GSN: variants seen among roughly 807,000 people sequenced by gnomAD.
GSN encodes gelsolin.
In GSN, 56 loss-of-function variants were observed where a neutral mutation model predicts 85.7. That is an observed-to-expected ratio of 0.65 (90% CI 0.53 to 0.82). GSN has a LOEUF of 0.82. Among genes scored for constraint, GSN ranks in the 40% least tolerant of loss-of-function variants. The pLI is 0.00. For missense variants in GSN, 857 were observed against 979.8 expected (o/e 0.87, Z 1.67); for synonymous variants, 373 against 399.1 (o/e 0.93, Z 0.78).
At chr9:121,305,769 A>G (rs1436172878) in intron 4 of GSN, among the ~76,000 whole-genome samples, 3 of 152,224 alleles carry the variant, frequency 2.0e-5, no homozygotes, top group Non-Finnish European at 4.4e-5. Flanking sequence ...TGGGAGGCCC[A>G]GGGCTGGTCT....
At chr9:121,214,355 G>A (rs1319132002) in intron 4 of GSN, among the ~76,000 whole-genome samples, 1 of 151,364 alleles carries the variant, frequency 6.6e-6, no homozygotes, top group Non-Finnish European at 1.5e-5. Context: ...AAACCAAAGG[G>A]TAGATGTTAG....
chr9:121,328,085 G>A (rs2063447582), intron 14 of GSN, among the ~76,000 whole-genome samples: 1 of 152,198 alleles, frequency 6.6e-6, no homozygotes, highest in Non-Finnish European at 1.5e-5. Flanking sequence ...AGGCAGGGCT[G>A]ATAGCGTCAG....
At chr9:121,291,089 A>T (rs1247922283) in intron 2 of GSN, among the ~76,000 whole-genome samples, 1 of 152,192 alleles carries the variant, frequency 6.6e-6, no homozygotes, top group Non-Finnish European at 1.5e-5. Context: ...AAAATAATAC[A>T]AATTTTAAAA....
At chr9:121,272,182 T>G (rs903356602) in intron 1 of GSN, among the ~76,000 whole-genome samples, 1 of 152,248 alleles carries the variant, frequency 6.6e-6, no homozygotes, top group African/African-American at 2.4e-5. Context: ...CAGTTCCTGC[T>G]GCTGGCCAGC....
At chr9:121,218,846 G>A (rs2132102216) in intron 4 of GSN, among the ~76,000 whole-genome samples, 1 of 152,246 alleles carries the variant, frequency 6.6e-6, no homozygotes, top group South Asian at 2.1e-4. Flanking sequence ...TTCCTTCATG[G>A]CCTCCCCTCT....
At chr9:121,294,402 TG>T (rs1401906769) in intron 2 of GSN, among the ~76,000 whole-genome samples, 1 of 152,034 alleles carries the variant, frequency 6.6e-6, no homozygotes, top group Admixed American at 6.6e-5. Context: ...GACAGACTGC[TG>T]AAGTGGGTCC....
At position 121,329,894 on chromosome 9, in the gene GSN, C is replaced by T. The variant is rs996700071; in HGVS notation, c.1965+579C>T. On this transcript the variant is annotated intron_variant, in intron 16 of 17. Transcript: ENST00000432226. The surrounding 1 kb of genome is among the most constrained non-coding windows in gnomAD (Gnocchi z 4.6). ...GAGCAATGAATAAAGTAGGCATTTT[C>T]CTGCTCTCCCAGGGCTTACGTTCTC... 2.6e-5 allele frequency among the ~76,000 whole-genome samples: 4 copies of T among 152,316 alleles called. No homozygotes were observed. The East Asian group carries it at 5.8e-4, about 22-fold the overall frequency.
rs142155964 is a variant in GSN, at chr9:121,302,999, C to T, written c.285C>T (p.His95=). 68 of 1,613,882 alleles carry T rather than the reference C, an allele frequency of 4.2e-5. No individual in the cohort carries two copies. In the African/African-American group the frequency reaches 8.5e-4, roughly 20 times the overall value. Residue 95 remains histidine (H), a synonymous_variant, in exon 4 of 18, where the codon CAC becomes CAT. Transcript: ENST00000432226. The stretch of plus-strand genomic sequence containing the variant: ...ACCTGAACGGCCGGGCCGTGCAGCA[C>T]CGTGAGGTCCAGGGCTTCGAGTCGG... ...DDYLNGRAVQ[H]REVQGFESAT...
chr9:121,312,492 C>A lies in GSN; in HGVS notation c.663+4C>A, dbSNP rs771390979. 6.2e-7 allele frequency: 1 copy of A among 1,606,646 alleles called. No individual in the cohort carries two copies. The highest frequency in any genetic ancestry group is 8.5e-7 in the Non-Finnish European group (1 of 1,174,932). On this transcript the variant is annotated splice_donor_region_variant and intron_variant, in intron 6 of 17. Coordinates refer to ENST00000432226, the MANE Select transcript of GSN (RefSeq NM_198252.3). ...TGAGCCCGAGGCGATGCTCCAGGTGCCTGTGGGGTGCGCAATGGGGTGGCC... is the reference window on the plus strand; with the variant it reads ...TGAGCCCGAGGCGATGCTCCAGGTGACTGTGGGGTGCGCAATGGGGTGGCC...
chr9:121,207,940 T>C, intron 1 of GSN: 1 of 145,920 alleles, frequency 6.9e-6, no homozygotes, highest in East Asian at 1.9e-4. Context: ...TGTGTGTGTG[T>C]GTGTGTGTGT....
rs2059887411 is a variant in GSN at position 121,301,771 on chromosome 9, C to T, written c.-9-192C>T. 3.8e-6 allele frequency: 3 copies of T among 786,622 alleles called. No individual in the cohort carries two copies. The Admixed American group carries it at 6.3e-5, about 16-fold the overall frequency. 48.7% of individuals were successfully genotyped at this position (786,622 alleles called of 1,614,324 possible). On this transcript the variant is annotated intron_variant, in intron 2 of 17. Coordinates refer to ENST00000432226, the MANE Select transcript of GSN (RefSeq NM_198252.3). Reference sequence around the variant, plus strand: ...GCTGGCCAGGGCACAGGTTTTGAAGCATAAAACTCTTGCCCTGTTTGCTGA... The same window carrying T: ...GCTGGCCAGGGCACAGGTTTTGAAGTATAAAACTCTTGCCCTGTTTGCTGA...
rs766602997 is a variant in GSN at position 121,314,001 on chromosome 9, G to A, written c.731G>A (p.Arg244His). 45 of 1,613,642 alleles carry A rather than the reference G, an allele frequency of 2.8e-5. No individual in the cohort carries two copies. The highest frequency in any genetic ancestry group is 2.2e-5 in the East Asian group (1 of 44,888). The change falls in exon 7 of 18, where the codon CGC (arginine) becomes CAC (histidine). Residue 244 changes from arginine (R) to histidine (H), a missense_variant. Coordinates refer to ENST00000432226, the MANE Select transcript of GSN (RefSeq NM_198252.3). ...ACCGCCAAGGAGGATGCGGCCAACC[G>A]CAAGCTGGCCAAGCTCTACAAGGTG... Reference protein sequence around the residue: ...EDTAKEDAANRKLAKLYKVSN... With the variant: ...EDTAKEDAANHKLAKLYKVSN...
chr9:121,291,513 G>A (rs776008019), intron 2 of GSN, among the ~76,000 whole-genome samples: 4 of 150,674 alleles, frequency 2.7e-5, no homozygotes, highest in Non-Finnish European at 4.4e-5. Context: ...CCATCTCGTG[G>A]GTTCAAGCCA....
In GSN at chr9:121,224,270, A is replaced by T. The variant is rs565600025; in HGVS notation, c.-527-6895A>T. Among the ~76,000 whole-genome samples the T allele has an allele frequency of 7.2e-4, 109 of 151,636 alleles. 1 individual carries two copies. The highest frequency in any genetic ancestry group is 2.2e-3 in the African/African-American group (93 of 41,352). Reference sequence around the variant, plus strand: ...CGTCACCACGCCCGGCTAATTTTTTAAAAAATTTTTAGTAGAGACGGGGTT... The same window carrying T: ...CGTCACCACGCCCGGCTAATTTTTTTAAAAATTTTTAGTAGAGACGGGGTT... On this transcript the variant is annotated intron_variant, in intron 4 of 24. Coordinates refer to the GSN transcript ENST00000373823.
chr9:121,327,420 C>T lies in GSN; in HGVS notation c.1700C>T (p.Ala567Val). ...GCCAGCGAGGCAGAGAAGACGGGGGCCCAGGAGCTGCTCAGGGTGCTGCGG... is the reference window on the plus strand; with the variant it reads ...GCCAGCGAGGCAGAGAAGACGGGGGTCCAGGAGCTGCTCAGGGTGCTGCGG... ...TGASEAEKTGAQELLRVLRAQ... is the reference protein window; with the variant it reads ...TGASEAEKTGVQELLRVLRAQ... The change falls in exon 14 of 18, where the codon GCC becomes GTC. Residue 567 changes from alanine (A) to valine (V), a missense_variant. Transcript: ENST00000432226. 6.2e-7 allele frequency: 1 copy of T among 1,609,920 alleles called. No individual in the cohort carries two copies. The highest frequency in any genetic ancestry group is 1.3e-5 in the African/African-American group (1 of 74,990).
intron 6 of GSN, among the ~76,000 whole-genome samples, chr9:121,250,425 C>T (rs931947904): frequency 5.9e-5 from 9 of 152,088 alleles, no homozygotes; most frequent in Admixed American, 6.5e-5. Context: ...AGGCTGGTTT[C>T]GAACTCCTGA....
At chr9:121,326,837 GTC>G in intron 13 of GSN, 155 bp downstream of exon 13, 1 of 806,028 alleles carries the variant, frequency 1.2e-6, no homozygotes, top group Non-Finnish European at 2.2e-6. Context: ...CCACAGGGTT[GTC>G]TGTCTTAGAC....
intron 4 of GSN, among the ~76,000 whole-genome samples, chr9:121,306,343 T>G (rs1188988343): frequency 5.3e-5 from 8 of 152,234 alleles, no homozygotes; most frequent in African/African-American, 1.4e-4. Context: ...TTTCTTTGTT[T>G]TAGAAACAGT....
chr9:121,224,159 C>T lies in GSN; in HGVS notation c.-527-7006C>T, dbSNP rs541965542. ...TCGCCCAGGCTGGAGTGCAGTGGTG[C>T]GATCTTGGCTCACTGCAACCTCCGC... On this transcript the variant is annotated intron_variant, in intron 4 of 24. Transcript: ENST00000373823. Among the ~76,000 whole-genome samples the T allele has an allele frequency of 9.3e-4, 142 of 152,016 alleles. 1 individual carries two copies. Among genetic ancestry groups the T allele is most frequent in the South Asian group, 3.3e-3 (16 of 4,806 alleles).
Sources: allele counts gnomAD v4.1 joint callset (sites outside exome capture counted in the v4.1 genomes callset), GRCh38; gene constraint gnomAD v4.1.1; non-coding constraint Gnocchi (gnomAD v3.1); transcripts MANE v1.5; gene names NCBI Gene and HGNC (gene_info 2026-07-23, HGNC 2026-07-21).